ZDHHC7: variants seen among roughly 807,000 people sequenced by gnomAD.
ZDHHC7 encodes palmitoyltransferase ZDHHC7.
ZDHHC7 carries 12 observed loss-of-function variants against 34.1 expected under a neutral mutation model. The observed-to-expected ratio is 0.35, with a 90% CI of 0.23 to 0.57. The LOEUF (loss-of-function observed/expected upper bound fraction) is 0.57, where lower values mean the gene tolerates loss of function less well. Ranked by LOEUF, ZDHHC7 falls within the 20% of genes least tolerant of loss-of-function variation. ZDHHC7 has a pLI of 0.84. For missense variants in ZDHHC7, 388 were observed against 402.7 expected, an observed-to-expected ratio of 0.96 and a Z score of 0.31; for synonymous variants, 185 against 155.4, an observed-to-expected ratio of 1.19 and a Z score of -1.42.
At chr16:84,978,035 TTTTA>T (rs2072320874) in intron 5 of ZDHHC7, 30 bp from the exon 6 acceptor site, 1 of 1,538,714 alleles carries the variant, frequency 6.5e-7, no homozygotes, top group African/African-American at 1.4e-5. Flanking sequence ...GGTTAGTCAC[TTTTA>T]TTTTTTATTT....
chr16:85,004,910 A>G (rs1431910658), intron 1 of ZDHHC7: 3 of 151,872 alleles, frequency 2.0e-5, no homozygotes, highest in Non-Finnish European at 4.4e-5. Flanking sequence ...GAAGAGAAAA[A>G]CCCCACCTGT....
chr16:84,994,583 G>A (rs1263844577), intron 2 of ZDHHC7, among the ~76,000 whole-genome samples: 1 of 152,190 alleles, frequency 6.6e-6, no homozygotes, highest in Non-Finnish European at 1.5e-5. Flanking sequence ...CCGCCTTCCT[G>A]GTTCAGGTCC....
intron 1 of ZDHHC7, among the ~76,000 whole-genome samples, chr16:85,000,736 T>TG (rs1296365301): frequency 6.6e-6 from 1 of 152,094 alleles, no homozygotes; most frequent in African/African-American, 2.4e-5. Flanking sequence ...GCTGGGGAGT[T>TG]GGGGGGTGAG....
chr16:85,026,782 G>A, the ZDHHC7 span, among the ~76,000 whole-genome samples: 4 of 152,034 alleles, frequency 2.6e-5, no homozygotes, highest in South Asian at 8.3e-4. Context: ...TAGAGACAGA[G>A]CTTGATCATT....
intron 3 of ZDHHC7, among the ~76,000 whole-genome samples, chr16:84,982,364 T>C (rs2072382252): frequency 6.7e-6 from 1 of 150,210 alleles, no homozygotes; most frequent in Non-Finnish European, 1.5e-5. Flanking sequence ...AAAAAAATCA[T>C]ATATTTTCTA....
the ZDHHC7 span, among the ~76,000 whole-genome samples, chr16:85,024,676 C>T: frequency 1.7e-4 from 24 of 143,112 alleles, no homozygotes; most frequent in East Asian, 3.3e-3. Flanking sequence ...TATCCAGAAA[C>T]GACCCTCCTT....
upstream of ZDHHC7, among the ~76,000 whole-genome samples, chr16:85,015,602 G>C (rs2072830887): frequency 6.6e-6 from 1 of 152,110 alleles, no homozygotes; most frequent in African/African-American, 2.4e-5. Flanking sequence ...TGCAATCCCA[G>C]CATACTGGGG....
chr16:84,992,550 G>A (rs778216182), intron 2 of ZDHHC7, among the ~76,000 whole-genome samples: 29 of 152,156 alleles, frequency 1.9e-4, no homozygotes, highest in Non-Finnish European at 3.7e-4. Flanking sequence ...TTCTCTTATC[G>A]GTGTTTGCTC....
the ZDHHC7 span, among the ~76,000 whole-genome samples, chr16:85,025,750 A>G: frequency 2.0e-5 from 3 of 152,208 alleles, no homozygotes; most frequent in South Asian, 2.1e-4. Context: ...TTCCATCACT[A>G]TAACTGAAAG....
chr16:85,007,983 C>T (rs1197344793), intron 1 of ZDHHC7, among the ~76,000 whole-genome samples: 2 of 151,886 alleles, frequency 1.3e-5, no homozygotes, highest in Non-Finnish European at 2.9e-5. Context: ...GACAGGGTGG[C>T]GTACACCTGT....
chr16:84,980,983 C>T lies in ZDHHC7; in HGVS notation c.440+887G>A, dbSNP rs75644425. ...AGCACCCTGTATCTGGGTTTCCTCC[C>T]GTTGGAGGCCATCAATGGCTTCCAG... On this transcript the variant is annotated intron_variant, in intron 4 of 7. Coordinates refer to ENST00000313732, the MANE Select transcript of ZDHHC7 (RefSeq NM_017740.3). Among the ~76,000 whole-genome samples, 765 of 152,322 alleles carry T rather than the reference C, an allele frequency of 5.0e-3. 5 individuals are homozygous for T. The highest frequency in any genetic ancestry group is 0.018 in the African/African-American group (734 of 41,582).
At chr16:84,994,556 C>T (rs1198430880) in intron 2 of ZDHHC7, among the ~76,000 whole-genome samples, 2 of 152,200 alleles carry the variant, frequency 1.3e-5, no homozygotes, top group East Asian at 3.8e-4. Flanking sequence ...ACATGTGACA[C>T]CTGAGCCAGC....
intron 1 of ZDHHC7, among the ~76,000 whole-genome samples, chr16:85,002,659 A>T (rs1295423903): frequency 6.6e-6 from 1 of 152,094 alleles, no homozygotes; most frequent in East Asian, 1.9e-4. Context: ...GAGAAAGGAC[A>T]TTAAGGAAAA....
the ZDHHC7 span, among the ~76,000 whole-genome samples, chr16:85,021,509 G>C: frequency 6.6e-6 from 1 of 151,372 alleles, no homozygotes; most frequent in Non-Finnish European, 1.5e-5. Flanking sequence ...AGGAGTTTGA[G>C]ACCAGCCTGG....
chr16:84,977,814 T>C, intron 6 of ZDHHC7, 110 bp downstream of exon 6: 2 of 800,662 alleles, frequency 2.5e-6, no homozygotes, highest in Admixed American at 5.4e-5. Context: ...GCTAAAATAA[T>C]TGCAATGATT....
chr16:84,979,306 T>C, intron 4 of ZDHHC7, 21 bp from the exon 5 acceptor site: 1 of 1,606,136 alleles, frequency 6.2e-7, no homozygotes, highest in Non-Finnish European at 8.5e-7. Flanking sequence ...GAGTTTGATT[T>C]TTCAGTATTC....
intron 1 of ZDHHC7, among the ~76,000 whole-genome samples, chr16:85,007,984 G>A (rs955021355): frequency 6.6e-6 from 1 of 151,916 alleles, no homozygotes; most frequent in African/African-American, 2.4e-5. Context: ...ACAGGGTGGC[G>A]TACACCTGTG....
At chr16:85,011,688 G>A (rs1252673143), upstream of ZDHHC7, among the ~76,000 whole-genome samples, 1 of 152,192 alleles carries the variant, frequency 6.6e-6, no homozygotes, top group African/African-American at 2.4e-5. Flanking sequence ...AGCCCCTCTC[G>A]CTAAGACAGA....
chr16:85,011,088 G>A (rs956914176), intron 1 of ZDHHC7, among the ~76,000 whole-genome samples, 198 bp downstream of exon 1: 1 of 152,256 alleles, frequency 6.6e-6, no homozygotes, highest in African/African-American at 2.4e-5. Context: ...GAGCAACTAA[G>A]GAATGACAAG....
Sources: gnomAD v4.1 joint callset for allele counts (sites outside exome capture counted in the v4.1 genomes callset) on GRCh38, gnomAD v4.1.1 for gene constraint, MANE v1.5 for transcripts, NCBI Gene and HGNC (gene_info 2026-07-23, HGNC 2026-07-21) for gene names.